SLC5A3: variants seen among roughly 807,000 people sequenced by gnomAD.
The protein encoded by SLC5A3 is sodium/myo-inositol cotransporter.
SLC5A3 carries 10 observed loss-of-function variants against 43.2 expected under a neutral mutation model. The ratio of observed to expected loss-of-function variants is 0.23; its 90% CI spans 0.14 to 0.39. SLC5A3 has a LOEUF of 0.39. Among genes scored for constraint, SLC5A3 ranks in the 10% least tolerant of loss-of-function variants. SLC5A3 has a pLI of 1.00. For synonymous variants in SLC5A3, 349 were observed against 322.0 expected (o/e 1.08, Z -0.90); for missense variants, 608 against 893.4 (o/e 0.68, Z 4.07).
At chr21:34,088,076 C>A (rs1018173143) in intron 1 of SLC5A3, among the ~76,000 whole-genome samples, 1 of 152,190 alleles carries the variant, frequency 6.6e-6, no homozygotes, top group Non-Finnish European at 1.5e-5. Context: ...TACAACACTT[C>A]ATCCATTAAG....
In SLC5A3 at chr21:34,102,618, G is replaced by A. The variant is rs1979296687; in HGVS notation, c.*5263G>A. The A allele has an allele frequency of 4.0e-6, 4 of 1,000,138 alleles. No homozygotes were observed. Among genetic ancestry groups the A allele is most frequent in the Non-Finnish European group, 4.8e-6 (4 of 829,898 alleles). The allele number at this position is 1,000,138 out of a possible 1,614,324, so 62.0% of individuals were successfully genotyped here. ...ACTTAAACCAATAACTGTACTTTAT[G>A]TAATGACTCTTAAATTTGGTTACCT... On this transcript the variant is annotated 3_prime_UTR_variant, in exon 2 of 2. Coordinates refer to ENST00000381151, the MANE Select transcript of SLC5A3 (RefSeq NM_006933.7).
Position 34,099,483 on chromosome 21 carries a change from A to G in SLC5A3, c.*2128A>G. On this transcript the variant is annotated 3_prime_UTR_variant, in exon 2 of 2. Transcript: ENST00000381151. ...TCTTGGATTTTTCAAATTAACATTA[A>G]GTTGTAAGAACTAAAATTTTCTTTG... The G allele has an allele frequency of 1.0e-6, 1 of 999,996 alleles. No individual in the cohort carries two copies. The highest frequency in any genetic ancestry group is 1.2e-6 in the Non-Finnish European group (1 of 829,848). The allele number at this position is 999,996 out of a possible 1,614,324, so 61.9% of individuals were successfully genotyped here.
Position 34,095,471 on chromosome 21 carries a change from A to G in SLC5A3, c.273A>G (p.Gln91=), listed in dbSNP as rs375782457. 3.1e-6 allele frequency: 5 copies of G among 1,613,882 alleles called. No individual in the cohort carries two copies. The African/African-American group carries it at 6.7e-5, about 22-fold the overall frequency. The change falls in exon 2 of 2, where the codon CAA becomes CAG. Residue 91 remains glutamine, a synonymous_variant. Coordinates refer to ENST00000381151, the MANE Select transcript of SLC5A3 (RefSeq NM_006933.7). ...AATTCAATGCCTTACTGCTTTTACA[A>G]CTTCTGGGATGGGTTTTCATCCCAA... is the stretch of plus-strand genomic sequence containing the variant. ...AWEFNALLLL[Q]LLGWVFIPIY...
intron 1 of SLC5A3, among the ~76,000 whole-genome samples, chr21:34,081,970 A>G (rs1180515477): frequency 6.6e-6 from 1 of 151,768 alleles, no homozygotes; most frequent in African/African-American, 2.4e-5. Context: ...TATTATTGCC[A>G]TGAGGGGTGT....
chr21:34,085,345 A>G (rs796227757), intron 1 of SLC5A3, among the ~76,000 whole-genome samples: 12 of 152,166 alleles, frequency 7.9e-5, no homozygotes, highest in Middle Eastern at 3.2e-3. Context: ...TCACACCGGG[A>G]GGCATACCAC....
intron 1 of SLC5A3, among the ~76,000 whole-genome samples, chr21:34,078,114 C>G (rs1286953540): frequency 2.0e-5 from 3 of 152,098 alleles, no homozygotes; most frequent in African/African-American, 7.2e-5. Flanking sequence ...GACATCAGTT[C>G]AAACGGAAAC....
chr21:34,103,045 C>T lies in SLC5A3; in HGVS notation c.*5690C>T. On this transcript the variant is annotated 3_prime_UTR_variant, in exon 2 of 2. Transcript: ENST00000381151. ...TTTCAATTTATCAACATAGCCTAGACTTCTGTAAGTGGAATGTTCATTAGT... is the reference window on the plus strand; with the variant it reads ...TTTCAATTTATCAACATAGCCTAGATTTCTGTAAGTGGAATGTTCATTAGT... 1 of 999,910 alleles carries T rather than the reference C, an allele frequency of 1.0e-6. No homozygotes were observed. The highest frequency in any genetic ancestry group is 1.2e-6 in the Non-Finnish European group (1 of 829,768). The allele number at this position is 999,910 out of a possible 1,614,324, so 61.9% of individuals were successfully genotyped here. A position where few individuals can be genotyped will look rare whatever the true frequency, so the allele number is the denominator to read the frequency against.
intron 1 of SLC5A3, among the ~76,000 whole-genome samples, chr21:34,075,950 C>T (rs1160690575): frequency 1.3e-5 from 2 of 152,178 alleles, no homozygotes; most frequent in Non-Finnish European, 2.9e-5. Context: ...AGTTCTAACC[C>T]GAGGCACTTT....
Position 34,102,756 on chromosome 21 carries a change from T to C in SLC5A3, c.*5401T>C. ...CAGATTTTTCGTAGTGTGGGAACAG[T>C]GGTTTTGCTCTATACCACTGAAAAG... is the stretch of plus-strand genomic sequence containing the variant. On this transcript the variant is annotated 3_prime_UTR_variant, in exon 2 of 2. Coordinates refer to ENST00000381151, the MANE Select transcript of SLC5A3 (RefSeq NM_006933.7). 1.4e-5 allele frequency: 14 copies of C among 1,000,124 alleles called. No homozygotes were observed. The highest frequency in any genetic ancestry group is 1.7e-5 in the Non-Finnish European group (14 of 829,904). The allele number at this position is 1,000,124 out of a possible 1,614,324, so 62.0% of individuals were successfully genotyped here.
At position 34,095,506 on chromosome 21, in the gene SLC5A3, G is replaced by T; in HGVS notation, c.308G>T (p.Arg103Leu). Residue 103 changes from arginine to leucine, a missense_variant, in exon 2 of 2, where the codon CGG becomes CTG. Coordinates refer to ENST00000381151, the MANE Select transcript of SLC5A3 (RefSeq NM_006933.7). ...TGGGTTTTCATCCCAATTTACATCC[G>T]GTCAGGGGTATATACCATGCCTGAA... ...LGWVFIPIYI[R>L]SGVYTMPEYL... is the part of the protein sequence containing the mutation. 1 of 1,613,930 alleles carries T rather than the reference G, an allele frequency of 6.2e-7. No homozygotes were observed. Among genetic ancestry groups the T allele is most frequent in the Non-Finnish European group, 8.5e-7 (1 of 1,179,980 alleles).
intron 1 of SLC5A3, among the ~76,000 whole-genome samples, chr21:34,088,691 G>T (rs1978524381): frequency 6.6e-6 from 1 of 152,132 alleles, no homozygotes; most frequent in African/African-American, 2.4e-5. Flanking sequence ...GCAACATCCT[G>T]GCTGTAACAC....
chr21:34,086,538 T>C (rs550070268), intron 1 of SLC5A3, among the ~76,000 whole-genome samples: 4 of 152,168 alleles, frequency 2.6e-5, no homozygotes, highest in African/African-American at 9.6e-5. Flanking sequence ...TGTGTGTGTG[T>C]GTGTGTGTGT....
Position 34,097,214 on chromosome 21 carries a change from G to A in SLC5A3, c.2016G>A (p.Arg672=), listed in dbSNP as rs747317104. 1.9e-6 allele frequency: 3 copies of A among 1,614,094 alleles called. No homozygotes were observed. The highest frequency in any genetic ancestry group is 2.5e-6 in the Non-Finnish European group (3 of 1,179,950). Residue 672 remains arginine, a synonymous_variant, in exon 2 of 2, where the codon AGG becomes AGA. Coordinates refer to ENST00000381151, the MANE Select transcript of SLC5A3 (RefSeq NM_006933.7). Reference sequence around the variant, plus strand: ...TTAAAAGTAAGAGCCTCAGCAAGAGGAGTCTCAGAGACCTGATGGAAGAGG... The same window carrying A: ...TTAAAAGTAAGAGCCTCAGCAAGAGAAGTCTCAGAGACCTGATGGAAGAGG... The part of the protein sequence containing the change: ...CGFKSKSLSK[R]SLRDLMEEEA...
At position 34,099,403 on chromosome 21, in the gene SLC5A3, A is replaced by C. The variant is rs1001119509; in HGVS notation, c.*2048A>C. The stretch of plus-strand genomic sequence containing the variant: ...TGTCAATGTTTTGTCCTGTTTTTTC[A>C]AAGGAACTGTTCTTCCTTTGGGACA... On this transcript the variant is annotated 3_prime_UTR_variant, in exon 2 of 2. Coordinates refer to ENST00000381151, the MANE Select transcript of SLC5A3 (RefSeq NM_006933.7). The C allele has an allele frequency of 5.0e-6, 5 of 1,000,088 alleles. No individual in the cohort carries two copies. The highest frequency in any genetic ancestry group is 1.7e-5 in the African/African-American group (1 of 57,234). 62.0% of individuals were successfully genotyped at this position (1,000,088 alleles called of 1,614,324 possible).
rs1979206377 is a variant in SLC5A3, at chr21:34,100,889, C to T, written c.*3534C>T. ...GGCTTATTAGCTACTCAGTTACTTG[C>T]TACTCAAAGGTTAGGTCTTCCCTGT... is the stretch of plus-strand genomic sequence containing the variant. On this transcript the variant is annotated 3_prime_UTR_variant, in exon 2 of 2. Transcript: ENST00000381151. 3.0e-6 allele frequency: 3 copies of T among 999,962 alleles called. No homozygotes were observed. In the African/African-American group the frequency reaches 5.2e-5, roughly 17 times the overall value. 61.9% of individuals were successfully genotyped at this position (999,962 alleles called of 1,614,324 possible).
At chr21:34,077,392 G>A (rs760608701) in intron 1 of SLC5A3, among the ~76,000 whole-genome samples, 13 of 152,140 alleles carry the variant, frequency 8.5e-5, no homozygotes, top group Non-Finnish European at 1.6e-4. Context: ...ATTACGTCTC[G>A]TGCCCTTTTC....
At position 34,097,133 on chromosome 21, in the gene SLC5A3, GAAA is replaced by G. The variant is rs1449947194; in HGVS notation, c.1936_1938del (p.Lys646del). 7 of 1,613,958 alleles carry G rather than the reference GAAA, an allele frequency of 4.3e-6. 1 individual carries two copies. The Admixed American group carries it at 1.2e-4, about 27-fold the overall frequency. On this transcript the variant is annotated inframe_deletion, in exon 2 of 2. Transcript: ENST00000381151. ...CTCTCATGGGTGAGAAAGAGAGAAA[GAAA>G]GAAACGGATGATGGAGGTCGGTACT...
chr21:34,081,887 A>C (rs984192801), intron 1 of SLC5A3, among the ~76,000 whole-genome samples: 1 of 152,188 alleles, frequency 6.6e-6, no homozygotes, highest in Non-Finnish European at 1.5e-5. Context: ...AAACTAGATC[A>C]AAGCTGAAAT....
intron 1 of SLC5A3, 96 bp downstream of exon 1, chr21:34,073,841 G>A (rs1989250791): frequency 1.1e-6 from 1 of 871,900 alleles, no homozygotes; most frequent in Admixed American, 4.4e-5. Context: ...GGGACCCCGG[G>A]CCTTCCTGCA....
Sources: allele counts gnomAD v4.1 joint callset (sites outside exome capture counted in the v4.1 genomes callset), GRCh38; gene constraint gnomAD v4.1.1; transcripts MANE v1.5; gene names NCBI Gene and HGNC (gene_info 2026-07-23, HGNC 2026-07-21).